TXLNB: variants seen among roughly 807,000 people sequenced by gnomAD.
TXLNB encodes the protein beta-taxilin.
TXLNB carries 37 observed loss-of-function variants against 57.4 expected under a neutral mutation model. The observed-to-expected ratio is 0.64, with a 90% CI of 0.50 to 0.85. TXLNB has a LOEUF of 0.85. Ranked by LOEUF, TXLNB falls within the 40% of genes least tolerant of loss-of-function variation. TXLNB has a pLI of 0.00. For synonymous variants in TXLNB, 302 were observed against 309.6 expected, an observed-to-expected ratio of 0.98 and a Z score of 0.26; for missense variants, 848 against 825.6, an observed-to-expected ratio of 1.03 and a Z score of -0.33.
intron 4 of TXLNB, among the ~76,000 whole-genome samples, chr6:139,263,706 T>G (rs908531485): frequency 1.3e-5 from 2 of 151,938 alleles, no homozygotes; most frequent in African/African-American, 4.8e-5. Flanking sequence ...TAAAAGGGTT[T>G]AATTTTGCTA....
chr6:139,291,364 AATTT>A (rs1459174791), intron 1 of TXLNB, among the ~76,000 whole-genome samples: 1 of 152,246 alleles, frequency 6.6e-6, no homozygotes, highest in Non-Finnish European at 1.5e-5. Context: ...CAAAATAATT[AATTT>A]AAGATAAGCT....
chr6:139,288,690 A>C lies in TXLNB; in HGVS notation c.210T>G (p.Tyr70Ter). ...NRQLEDIINT[Y>*]GSAASTAGKE... ...TCCCTGCTGTGCTGGCAGCAGACCC[A>C]TAAGTGTTAATGATGTCTTCCAGCT... Residue 70 changes from tyrosine to a stop codon, truncating the protein, a stop_gained, in exon 2 of 10, where the codon TAT (tyrosine) becomes TAG (stop). Transcript: ENST00000358430. LOFTEE classifies it high-confidence loss of function. 6.2e-7 allele frequency: 1 copy of C among 1,614,140 alleles called. No homozygotes were observed. The highest frequency in any genetic ancestry group is 8.5e-7 in the Non-Finnish European group (1 of 1,180,024).
At chr6:139,219,928 C>T in the TXLNB span, among the ~76,000 whole-genome samples, 16 of 152,250 alleles carry the variant, frequency 1.1e-4, no homozygotes, top group Non-Finnish European at 1.8e-4. Flanking sequence ...TTTTCACTTG[C>T]GGTTTAGAAA....
intron 9 of TXLNB, among the ~76,000 whole-genome samples, 166 bp downstream of exon 9, chr6:139,244,429 G>A (rs890549732): frequency 2.0e-5 from 3 of 152,086 alleles, no homozygotes; most frequent in Admixed American, 6.6e-5. Context: ...AATGACCTTT[G>A]CTCTTATTAT....
At chr6:139,263,546 A>G (rs1776539477) in intron 4 of TXLNB, among the ~76,000 whole-genome samples, 1 of 152,232 alleles carries the variant, frequency 6.6e-6, no homozygotes, top group Non-Finnish European at 1.5e-5. Flanking sequence ...CTTTGTTAAC[A>G]TTGAAGAATT....
chr6:139,296,070 G>T (rs1416396547), upstream of TXLNB, among the ~76,000 whole-genome samples: 1 of 152,016 alleles, frequency 6.6e-6, no homozygotes, highest in Non-Finnish European at 1.5e-5. Flanking sequence ...GTGGCTTCTA[G>T]GCCTGCTACA....
At chr6:139,164,949 C>T in the TXLNB span, among the ~76,000 whole-genome samples, 2 of 152,150 alleles carry the variant, frequency 1.3e-5, no homozygotes, top group Admixed American at 1.3e-4. Context: ...CCACCTCTGG[C>T]CACCTTATTA....
At chr6:139,232,111 G>A in the TXLNB span, among the ~76,000 whole-genome samples, 1 of 152,160 alleles carries the variant, frequency 6.6e-6, no homozygotes, top group African/African-American at 2.4e-5. Context: ...AAGGAAAGAG[G>A]TTTAATGTAC....
rs1284829169 is a variant in TXLNB at position 139,282,870 on chromosome 6, C to T, written c.424+5606G>A. Among the ~76,000 whole-genome samples, 13 of 145,122 alleles carry T rather than the reference C, an allele frequency of 9.0e-5. 2 individuals are homozygous for T. Among genetic ancestry groups the T allele is most frequent in the Non-Finnish European group, 3.1e-5 (2 of 65,272 alleles). On this transcript the variant is annotated intron_variant, in intron 2 of 9. Transcript: ENST00000358430. ...GTGGATTCTGAAACTCCCTAGGCTT[C>T]AATTTCCCTGTCTATAAAATTAGTA...
intron 2 of TXLNB, among the ~76,000 whole-genome samples, chr6:139,287,557 G>A (rs1029853478): frequency 6.6e-6 from 1 of 152,172 alleles, no homozygotes; most frequent in Non-Finnish European, 1.5e-5. Context: ...CATCTAGCAT[G>A]AGAGATGGGT....
At chr6:139,265,766 A>T (rs978392983) in intron 4 of TXLNB, among the ~76,000 whole-genome samples, 4 of 152,252 alleles carry the variant, frequency 2.6e-5, no homozygotes, top group Admixed American at 2.6e-4. Context: ...TGAGTTTCCT[A>T]TTCTTTATAG....
downstream of TXLNB, among the ~76,000 whole-genome samples, chr6:139,237,948 C>T (rs1485684187): frequency 2.0e-5 from 3 of 152,110 alleles, no homozygotes; most frequent in East Asian, 5.8e-4. Flanking sequence ...GGTGAAGTAG[C>T]TTCTGTGAAT....
intron 2 of TXLNB, among the ~76,000 whole-genome samples, chr6:139,280,117 T>C (rs1231265885): frequency 6.6e-6 from 1 of 151,860 alleles, no homozygotes; most frequent in Non-Finnish European, 1.5e-5. Flanking sequence ...GCTGGTGTCG[T>C]GGCACATGCC....
chr6:139,280,514 G>A (rs187536972), intron 2 of TXLNB, among the ~76,000 whole-genome samples: 2 of 150,266 alleles, frequency 1.3e-5, no homozygotes, highest in East Asian at 2.0e-4. Flanking sequence ...GCGTGGTGGC[G>A]CACGCCTGTA....
In TXLNB at chr6:139,263,081, C is replaced by T. The variant is rs995486175; in HGVS notation, c.688-308G>A. Among the ~76,000 whole-genome samples the T allele has an allele frequency of 4.6e-5, 7 of 152,196 alleles. No homozygotes were observed. The South Asian group carries it at 1.4e-3, about 32-fold the overall frequency. ...GCGATTTCTAACAAACACACAGTCACACGATTTTGATCTCTTGGCTGTGGC... is the reference window on the plus strand; with the variant it reads ...GCGATTTCTAACAAACACACAGTCATACGATTTTGATCTCTTGGCTGTGGC... On this transcript the variant is annotated intron_variant, in intron 4 of 9. Transcript: ENST00000358430.
In TXLNB at chr6:139,262,600, A is replaced by G. The variant is rs1776511397; in HGVS notation, c.861T>C (p.Asp287=). 3 of 1,613,942 alleles carry G rather than the reference A, an allele frequency of 1.9e-6. No homozygotes were observed. The highest frequency in any genetic ancestry group is 2.5e-6 in the Non-Finnish European group (3 of 1,179,960). The change falls in exon 5 of 10, where the codon GAT becomes GAC. Residue 287 remains aspartate (D), a synonymous_variant. Coordinates refer to ENST00000358430, the MANE Select transcript of TXLNB (RefSeq NM_153235.4). The part of the protein sequence containing the change: ...ELAEKLKSII[D]QYELREEHLD... The stretch of plus-strand genomic sequence containing the variant: ...TCACCTCCTCTCTGAGCTCATACTG[A>G]TCGATGATGCTTTTCAGCTTTTCTG...
At chr6:139,290,643 CA>C (rs1777282186) in intron 1 of TXLNB, among the ~76,000 whole-genome samples, 1 of 152,096 alleles carries the variant, frequency 6.6e-6, no homozygotes, top group Non-Finnish European at 1.5e-5. Context: ...GGTACTGAGT[CA>C]GAGATTCCAG....
chr6:139,285,196 G>C (rs1340442516), intron 2 of TXLNB, among the ~76,000 whole-genome samples: 2 of 143,422 alleles, frequency 1.4e-5, no homozygotes, highest in African/African-American at 2.6e-5. Flanking sequence ...TCATGGAAGA[G>C]AGTAGAAACC....
At chr6:139,295,579 T>G (rs547225436), upstream of TXLNB, among the ~76,000 whole-genome samples, 20 of 151,118 alleles carry the variant, frequency 1.3e-4, no homozygotes, top group South Asian at 4.2e-4. Context: ...AGATATTTTT[T>G]GGGGGGGGGA....
Sources: allele counts gnomAD v4.1 joint callset (sites outside exome capture counted in the v4.1 genomes callset), GRCh38; gene constraint gnomAD v4.1.1; transcripts MANE v1.5; gene names NCBI Gene and HGNC (gene_info 2026-07-23, HGNC 2026-07-21).